NFIB: variants seen among roughly 807,000 people sequenced by gnomAD.
The protein encoded by NFIB is nuclear factor I B, also known as nuclear factor 1 B-type.
A neutral mutation model predicts 61.5 loss-of-function variants in NFIB; 11 were observed. The observed-to-expected ratio is 0.18, with a 90% confidence interval of 0.11 to 0.30. The LOEUF (loss-of-function observed/expected upper bound fraction) is 0.30. Ranked by LOEUF, NFIB falls within the 10% of genes least tolerant of loss-of-function variation. NFIB has a pLI of 1.00. For synonymous variants in NFIB, 260 were observed against 216.5 expected (o/e 1.20, Z -1.76); for missense variants, 471 against 608.9 (o/e 0.77, Z 2.38).
chr9:14,246,433 T>C (rs1194216958), intron 2 of NFIB, among the ~76,000 whole-genome samples: 1 of 152,096 alleles, frequency 6.6e-6, no homozygotes, highest in African/African-American at 2.4e-5. Context: ...CAAAATCCCA[T>C]TTACCCTGGG....
In NFIB at chr9:14,086,252, T is replaced by C. The variant is rs1563768236; in HGVS notation, c.*2057A>G. On this transcript the variant is annotated 3_prime_UTR_variant, in exon 11 of 11. Coordinates refer to ENST00000380953, the MANE Select transcript of NFIB (RefSeq NM_001190737.2). ...AAATCCTCCCACCCACCCCAGAATA[T>C]ATATATATGTATATTAAAAAAAATC... The C allele has an allele frequency of 4.6e-6, 1 of 216,372 alleles. No homozygotes were observed. Among genetic ancestry groups the C allele is most frequent in the South Asian group, 1.9e-4 (1 of 5,374 alleles). The allele number at this position is 216,372 out of a possible 1,614,324, so 13.4% of individuals were successfully genotyped here.
In NFIB at chr9:14,313,808, C is replaced by A; in HGVS notation, c.-297G>T. 1 of 1,325,098 alleles carries A rather than the reference C, an allele frequency of 7.5e-7. No homozygotes were observed. The allele number at this position is 1,325,098 out of a possible 1,614,324, so 82.1% of individuals were successfully genotyped here. A position where few individuals can be genotyped will look rare whatever the true frequency, so the allele number is the denominator to read the frequency against. On this transcript the variant is annotated 5_prime_UTR_variant, in exon 1 of 11. Coordinates refer to ENST00000380953, the MANE Select transcript of NFIB (RefSeq NM_001190737.2). The surrounding 1 kb of genome is among the most constrained non-coding windows in gnomAD (Gnocchi z 4.5). ...AGGCCGCCGCCGCCGCCGGTGTTGG[C>A]TGCTTTTCGCCTGGGTTTGGGGATT...
At chr9:14,119,565 G>A in intron 8 of NFIB, among the ~76,000 whole-genome samples, 1 of 152,120 alleles carries the variant, frequency 6.6e-6, no homozygotes, top group East Asian at 1.9e-4. Flanking sequence ...TTTCAGGAAT[G>A]TTCCACCGTA....
chr9:14,491,167 GT>G, the NFIB span, among the ~76,000 whole-genome samples: 1 of 152,052 alleles, frequency 6.6e-6, no homozygotes, highest in African/African-American at 2.4e-5. Context: ...CTCAACTATA[GT>G]TTTTATCTCT....
intron 2 of NFIB, among the ~76,000 whole-genome samples, chr9:14,240,243 ATCTCTCCC>A (rs1448697187): frequency 6.6e-6 from 1 of 151,814 alleles, no homozygotes; most frequent in African/African-American, 2.4e-5. Context: ...CTCTGTCCCC[ATCTCTCCC>A]TCTCTCCCTC....
rs80292561 is a variant in NFIB at position 14,148,917 on chromosome 9, C to T, written c.806+1228G>A. On this transcript the variant is annotated intron_variant, in intron 5 of 10. Transcript: ENST00000380953. ...TCTCATCTATGAGTCAGCAGAAAAT[C>T]TGCCTGAAAAACTTAAAATTGGGGA... Among the ~76,000 whole-genome samples, 1,459 of 152,252 alleles carry T rather than the reference C, an allele frequency of 9.6e-3. 19 individuals are homozygous for T. Among genetic ancestry groups the T allele is most frequent in the African/African-American group, 0.025 (1,059 of 41,544 alleles).
the NFIB span, among the ~76,000 whole-genome samples, chr9:14,530,040 A>T: frequency 6.6e-6 from 1 of 152,174 alleles, no homozygotes; most frequent in South Asian, 2.1e-4. Flanking sequence ...TACCCATCTT[A>T]ATCCCAGTTT....
At chr9:14,184,471 C>A (rs1026208212) in intron 2 of NFIB, among the ~76,000 whole-genome samples, 1 of 148,270 alleles carries the variant, frequency 6.7e-6, no homozygotes, top group Non-Finnish European at 1.5e-5. Context: ...TACTAATTGA[C>A]GTTTTAAAGA....
intron 6 of NFIB, among the ~76,000 whole-genome samples, chr9:14,129,516 C>A (rs891426502): frequency 6.6e-6 from 1 of 151,500 alleles, no homozygotes; most frequent in African/African-American, 2.4e-5. Context: ...AATCATGAAC[C>A]AAACTAGTGT....
the NFIB span, among the ~76,000 whole-genome samples, chr9:14,512,514 T>G: frequency 6.6e-6 from 1 of 152,126 alleles, no homozygotes; most frequent in East Asian, 1.9e-4. Context: ...ATTATATGGG[T>G]TTTTTTCTGT....
chr9:14,348,641 C>T (rs1357764104), intron 1 of NFIB, among the ~76,000 whole-genome samples: 2 of 152,250 alleles, frequency 1.3e-5, no homozygotes, highest in Admixed American at 1.3e-4. Context: ...AACCCTTCTT[C>T]TTCTGCGCAA....
chr9:14,127,249 T>C (rs1178672719), intron 6 of NFIB, among the ~76,000 whole-genome samples: 1 of 152,234 alleles, frequency 6.6e-6, no homozygotes, highest in Non-Finnish European at 1.5e-5. Context: ...GAGATATGCC[T>C]TGGTTTTAAC....
At chr9:14,210,369 T>G (rs2050184450) in intron 2 of NFIB, among the ~76,000 whole-genome samples, 2 of 152,126 alleles carry the variant, frequency 1.3e-5, no homozygotes, top group Admixed American at 1.3e-4. Context: ...TTTTTTACTT[T>G]AAGATTTTTG....
intron 2 of NFIB, among the ~76,000 whole-genome samples, chr9:14,259,832 G>C (rs1242051751): frequency 2.0e-5 from 3 of 152,190 alleles, no homozygotes; most frequent in Non-Finnish European, 4.4e-5. Context: ...TTGAACCTGG[G>C]AGGCAGAGGT....
intron 10 of NFIB, among the ~76,000 whole-genome samples, chr9:14,088,584 A>T (rs900885625): frequency 1.3e-5 from 2 of 152,190 alleles, no homozygotes; most frequent in South Asian, 4.1e-4. Context: ...ATAAACAATT[A>T]TTGAATTCTA....
chr9:14,344,093 GGAGAGA>G (rs965359256), intron 1 of NFIB, among the ~76,000 whole-genome samples: 2 of 134,010 alleles, frequency 1.5e-5, no homozygotes, highest in Non-Finnish European at 3.1e-5. Flanking sequence ...TTAAAGAGAG[GGAGAGA>G]GAGAGAGAAA....
chr9:14,205,975 C>G (rs2049646871), intron 2 of NFIB, among the ~76,000 whole-genome samples: 1 of 151,926 alleles, frequency 6.6e-6, no homozygotes, highest in Admixed American at 6.6e-5. Context: ...GACCTTTTTA[C>G]AGCAGAATAA....
At chr9:14,293,471 T>C (rs1479154803) in intron 2 of NFIB, among the ~76,000 whole-genome samples, 1 of 152,160 alleles carries the variant, frequency 6.6e-6, no homozygotes, top group African/African-American at 2.4e-5. Context: ...TCAACAATAA[T>C]AAAGAAGCCC....
chr9:14,128,052 A>G (rs978174155), intron 6 of NFIB, among the ~76,000 whole-genome samples: 1 of 152,134 alleles, frequency 6.6e-6, no homozygotes, highest in Non-Finnish European at 1.5e-5. Context: ...TCATTTTGCT[A>G]TCTTCAAGAT....
Sources: gnomAD v4.1 joint callset for allele counts (sites outside exome capture counted in the v4.1 genomes callset) on GRCh38, gnomAD v4.1.1 for gene constraint, Gnocchi (gnomAD v3.1) non-coding constraint, MANE v1.5 for transcripts, NCBI Gene and HGNC (gene_info 2026-07-23, HGNC 2026-07-21) for gene names.